TTC7B: variants seen among roughly 807,000 people sequenced by gnomAD.
TTC7B encodes tetratricopeptide repeat protein 7B.
In TTC7B, 28 loss-of-function variants were observed where a neutral mutation model predicts 106.8. That is an observed-to-expected ratio of 0.26 (90% CI 0.19 to 0.36). The LOEUF is 0.36. Ranked by LOEUF, TTC7B falls within the 10% of genes least tolerant of loss-of-function variation. The pLI is 1.00. For missense variants in TTC7B, 862 were observed against 1,076.4 expected (o/e 0.80, Z 2.79); for synonymous variants, 405 against 430.6 (o/e 0.94, Z 0.74).
At chr14:90,785,067 C>G (rs2140039852) in intron 2 of TTC7B, among the ~76,000 whole-genome samples, 1 of 152,234 alleles carries the variant, frequency 6.6e-6, no homozygotes, top group South Asian at 2.1e-4. Flanking sequence ...TTAGAACATG[C>G]AGGAGCCGGG....
chr14:90,685,033 T>C (rs570349586), intron 7 of TTC7B, among the ~76,000 whole-genome samples: 2 of 152,304 alleles, frequency 1.3e-5, no homozygotes, highest in South Asian at 4.1e-4. Context: ...AAATTCAAGA[T>C]GGGCAGAGTG....
At chr14:90,733,387 T>A (rs1490580564) in intron 4 of TTC7B, among the ~76,000 whole-genome samples, 1 of 152,184 alleles carries the variant, frequency 6.6e-6, no homozygotes, top group Non-Finnish European at 1.5e-5. Flanking sequence ...CTGTGTCTGC[T>A]TGCAGAGCAA....
chr14:90,705,983 G>C (rs1017920256), intron 5 of TTC7B, among the ~76,000 whole-genome samples: 1 of 152,128 alleles, frequency 6.6e-6, no homozygotes, highest in African/African-American at 2.4e-5. Flanking sequence ...TTGGCAGCTA[G>C]ATCCGCAGGC....
At chr14:90,737,898 A>G (rs1016918368) in intron 4 of TTC7B, among the ~76,000 whole-genome samples, 8 of 152,172 alleles carry the variant, frequency 5.3e-5, no homozygotes, top group African/African-American at 1.9e-4. Flanking sequence ...ATGCAAATCT[A>G]CAGAGACAGA....
At chr14:90,647,226 T>C in intron 13 of TTC7B, 1 of 543,278 alleles carries the variant, frequency 1.8e-6, no homozygotes, top group Non-Finnish European at 3.3e-6. Flanking sequence ...AGGTACAGAA[T>C]AGGAGTGCAT....
Position 90,653,404 on chromosome 14 carries a change from A to G in TTC7B, c.1460-506T>C, listed in dbSNP as rs541279152. ...GCCTTGAAAGGCCAGCTTGGTTCACACTGGGCAATGGCCAGGACCTTTAAC... is the reference window on the plus strand; with the variant it reads ...GCCTTGAAAGGCCAGCTTGGTTCACGCTGGGCAATGGCCAGGACCTTTAAC... On this transcript the variant is annotated intron_variant, in intron 12 of 19. Transcript: ENST00000328459. Among the ~76,000 whole-genome samples, 4 of 152,292 alleles carry G rather than the reference A, an allele frequency of 2.6e-5. 1 individual carries two copies. The highest frequency in any genetic ancestry group is 2.6e-4 in the Admixed American group (4 of 15,300).
intron 3 of TTC7B, among the ~76,000 whole-genome samples, chr14:90,774,049 T>G (rs1890947627): frequency 2.0e-5 from 3 of 152,356 alleles, no homozygotes; most frequent in South Asian, 4.1e-4. Context: ...ACATCTGTCA[T>G]GGACACTGGA....
chr14:90,797,810 G>A lies in TTC7B; in HGVS notation c.122-11482C>T, dbSNP rs755591209. On this transcript the variant is annotated intron_variant, in intron 1 of 19. Coordinates refer to ENST00000328459, the MANE Select transcript of TTC7B (RefSeq NM_001010854.2). ...CCCTACTGGTCATAGCAAAAGATAC[G>A]AGACAACCTATAAGGTCCTTGACAG... Among the ~76,000 whole-genome samples, 4 of 152,122 alleles carry A rather than the reference G, an allele frequency of 2.6e-5. 1 individual carries two copies. The highest frequency in any genetic ancestry group is 9.7e-5 in the African/African-American group (4 of 41,414).
intron 19 of TTC7B, among the ~76,000 whole-genome samples, chr14:90,558,037 G>A (rs892662241): frequency 1.2e-4 from 19 of 152,230 alleles, no homozygotes; most frequent in African/African-American, 4.6e-4. Context: ...TGCAGTCCCC[G>A]GCACATTCTT....
intron 18 of TTC7B, among the ~76,000 whole-genome samples, chr14:90,590,289 T>C (rs1219936185): frequency 1.3e-5 from 2 of 152,150 alleles, no homozygotes; most frequent in African/African-American, 4.8e-5. Context: ...GTCATATACA[T>C]GCACAGACAA....
chr14:90,785,841 C>G (rs543358142), intron 2 of TTC7B, among the ~76,000 whole-genome samples: 16 of 152,328 alleles, frequency 1.1e-4, no homozygotes, highest in African/African-American at 3.4e-4. Context: ...ATTAACTTCT[C>G]TCTTTTCTAG....
intron 4 of TTC7B, among the ~76,000 whole-genome samples, chr14:90,739,004 G>A (rs953914703): frequency 2.0e-5 from 3 of 152,146 alleles, no homozygotes; most frequent in African/African-American, 4.8e-5. Flanking sequence ...CAGCCTGGGC[G>A]ACAGAGCAAA....
Position 90,808,623 on chromosome 14 carries a change from T to C in TTC7B, c.121+7552A>G, listed in dbSNP as rs2030731662. ...GGCTGTGGCCGTCTTTCATATTTTA[T>C]ATGGCACCCATTTGACCTATCTCTG... On this transcript the variant is annotated intron_variant, in intron 1 of 19. Coordinates refer to ENST00000328459, the MANE Select transcript of TTC7B (RefSeq NM_001010854.2). The surrounding 1 kb of genome is among the most constrained non-coding windows in gnomAD (Gnocchi z 4.2). 2.0e-5 allele frequency among the ~76,000 whole-genome samples: 3 copies of C among 152,296 alleles called. No homozygotes were observed. The East Asian group carries it at 5.8e-4, about 29-fold the overall frequency.
intron 19 of TTC7B, among the ~76,000 whole-genome samples, chr14:90,542,493 C>G (rs1889644538): frequency 6.6e-6 from 1 of 152,158 alleles, no homozygotes; most frequent in South Asian, 2.1e-4. Flanking sequence ...ACTCGCTCAT[C>G]CAATGGACAC....
rs13379181 is a variant in TTC7B, at chr14:90,727,426, C to T, written c.698+2649G>A. ...TCTAAACAATAGGGGCAATACTGCTCACATTGCCCACTGCACATGGTGGAG... is the reference window on the plus strand; with the variant it reads ...TCTAAACAATAGGGGCAATACTGCTTACATTGCCCACTGCACATGGTGGAG... On this transcript the variant is annotated intron_variant, in intron 5 of 19. Transcript: ENST00000328459. Among the ~76,000 whole-genome samples the T allele has an allele frequency of 9.4e-3, 1,431 of 152,364 alleles. 17 individuals are homozygous for T. Among genetic ancestry groups the T allele is most frequent in the African/African-American group, 0.032 (1,345 of 41,584 alleles).
At chr14:90,772,285 G>C (rs1237573398) in intron 3 of TTC7B, among the ~76,000 whole-genome samples, 1 of 151,962 alleles carries the variant, frequency 6.6e-6, no homozygotes, top group African/African-American at 2.4e-5. Flanking sequence ...GGCTGACAGG[G>C]TACTCATCAC....
At chr14:90,549,175 G>A (rs557364980) in intron 19 of TTC7B, among the ~76,000 whole-genome samples, 9 of 151,440 alleles carry the variant, frequency 5.9e-5, no homozygotes, top group South Asian at 2.1e-4. Context: ...GTCAGCCACC[G>A]CTCATTGCAG....
At chr14:90,637,144 T>C (rs778337523) in intron 15 of TTC7B, among the ~76,000 whole-genome samples, 11 of 151,954 alleles carry the variant, frequency 7.2e-5, no homozygotes, top group Non-Finnish European at 1.5e-4. Flanking sequence ...CTGGCAAGAC[T>C]ATTCAAGAAA....
rs11629308 is a variant in TTC7B, at chr14:90,536,031, G to A, written c.*5337C>T. On this transcript the variant is annotated 3_prime_UTR_variant, in exon 20 of 20. Transcript: ENST00000328459. ...CAAATATAGTCACACAGGGGCGGGG[G>A]CTCCACCCTATGAATCTGGGGGAGC... 6,197 of 154,128 alleles carry A rather than the reference G, an allele frequency of 0.04. 184 individuals are homozygous for A. The highest frequency in any genetic ancestry group is 0.16 in the East Asian group (838 of 5,162). 9.5% of individuals were successfully genotyped at this position (154,128 alleles called of 1,614,324 possible). A position where few individuals can be genotyped will look rare whatever the true frequency, so the allele number is the denominator to read the frequency against.
Sources: gnomAD v4.1 joint callset for allele counts (sites outside exome capture counted in the v4.1 genomes callset) on GRCh38, gnomAD v4.1.1 for gene constraint, Gnocchi (gnomAD v3.1) non-coding constraint, MANE v1.5 for transcripts, NCBI Gene and HGNC (gene_info 2026-07-23, HGNC 2026-07-21) for gene names.